Variants in CLMP observed in about 807,000 individuals in gnomAD.
CLMP encodes the protein CXADR-like membrane protein.
Under a neutral mutation model 45.2 loss-of-function variants are expected in CLMP, and 27 were observed. The observed-to-expected ratio is 0.60, with a 90% CI of 0.44 to 0.82. The LOEUF is 0.82. Ranked by LOEUF, CLMP falls within the 40% of genes least tolerant of loss-of-function variation. The probability of loss-of-function intolerance (pLI) is 0.00; values close to 1 mark genes in which losing one functional copy is unlikely to be tolerated. For synonymous variants in CLMP, 167 were observed against 171.4 expected (o/e 0.97, Z 0.20); for missense variants, 403 against 448.4 (o/e 0.90, Z 0.91).
intron 1 of CLMP, among the ~76,000 whole-genome samples, chr11:123,149,002 G>A (rs1861275101): frequency 6.6e-6 from 1 of 152,112 alleles, no homozygotes; most frequent in South Asian, 2.1e-4. Context: ...ACAGGAATTA[G>A]AATCTGTTTT....
intron 1 of CLMP, among the ~76,000 whole-genome samples, chr11:123,099,643 G>C (rs1258168723): frequency 1.3e-5 from 2 of 152,128 alleles, no homozygotes; most frequent in East Asian, 3.8e-4. Flanking sequence ...GAAAGGTGTT[G>C]AGATGTTGGG....
intron 2 of CLMP, among the ~76,000 whole-genome samples, chr11:123,085,783 G>T (rs111243805): frequency 0.011 from 1,193 of 108,150 alleles, 8 homozygotes; most frequent in East Asian, 0.018. Context: ...TTTTTTTTTT[G>T]TTTTTTTTTT....
At chr11:123,146,776 A>C (rs1247236563) in intron 1 of CLMP, among the ~76,000 whole-genome samples, 1 of 152,068 alleles carries the variant, frequency 6.6e-6, no homozygotes, top group Non-Finnish European at 1.5e-5. Flanking sequence ...ACAACTTCCA[A>C]ATCTACCACC....
chr11:123,158,035 C>T (rs907653339), intron 1 of CLMP, among the ~76,000 whole-genome samples: 3 of 152,180 alleles, frequency 2.0e-5, no homozygotes, highest in Non-Finnish European at 4.4e-5. Flanking sequence ...CTCTCCCAGG[C>T]TTTCACACAC....
intron 5 of CLMP, among the ~76,000 whole-genome samples, chr11:123,075,672 C>G (rs1428317535): frequency 6.6e-6 from 1 of 152,054 alleles, no homozygotes; most frequent in Non-Finnish European, 1.5e-5. Context: ...CAGGAGTGAG[C>G]CACCGCGCGC....
intron 1 of CLMP, among the ~76,000 whole-genome samples, chr11:123,098,880 A>G (rs920496991): frequency 6.6e-5 from 10 of 151,690 alleles, no homozygotes; most frequent in African/African-American, 2.4e-4. Flanking sequence ...TTTTTAGTAG[A>G]GACGGGGTTT....
At chr11:123,185,249 G>T (rs1861818025) in intron 1 of CLMP, among the ~76,000 whole-genome samples, 1 of 152,182 alleles carries the variant, frequency 6.6e-6, no homozygotes, top group Non-Finnish European at 1.5e-5. Flanking sequence ...GAGAATTTGG[G>T]AGAGTTGGGG....
intron 1 of CLMP, among the ~76,000 whole-genome samples, chr11:123,104,715 C>T (rs1335022068): frequency 6.6e-6 from 1 of 152,124 alleles, no homozygotes; most frequent in African/African-American, 2.4e-5. Flanking sequence ...CTTAGCAGTG[C>T]TCATGGGGGC....
intron 1 of CLMP, among the ~76,000 whole-genome samples, chr11:123,112,423 C>G (rs971566455): frequency 2.0e-5 from 3 of 150,438 alleles, no homozygotes; most frequent in African/African-American, 7.4e-5. Context: ...CGGCAACCTC[C>G]GCCTCCAGGG....
chr11:123,141,634 C>G (rs1861160732), intron 1 of CLMP, among the ~76,000 whole-genome samples: 1 of 152,162 alleles, frequency 6.6e-6, no homozygotes, highest in Non-Finnish European at 1.5e-5. Context: ...AAACCTAGGT[C>G]TCTTCCTAAG....
chr11:123,111,496 A>G (rs9666251), intron 1 of CLMP, among the ~76,000 whole-genome samples: 5,691 of 152,254 alleles, frequency 0.037, 173 homozygotes, highest in East Asian at 0.13. Flanking sequence ...AGATTGTTGA[A>G]GCGCTTTTTC....
intron 1 of CLMP, among the ~76,000 whole-genome samples, chr11:123,158,766 G>T (rs2135531676): frequency 6.6e-6 from 1 of 152,294 alleles, no homozygotes; most frequent in East Asian, 1.9e-4. Flanking sequence ...CCTGGCTGTT[G>T]AACTTGGGCA....
Position 123,104,128 on chromosome 11 carries a change from CTTTTTTTT to C in CLMP, c.29-6184_29-6177del, listed in dbSNP as rs1241735527. ...TACAGGCCTGAGCCACCATGCCTGG[CTTTTTTTT>C]TTTTTTTTTTTTTTTTTAATCCAGA... On this transcript the variant is annotated intron_variant, in intron 1 of 6. Transcript: ENST00000448775. Among the ~76,000 whole-genome samples the C allele has an allele frequency of 5.5e-5, 4 of 72,394 alleles. No individual in the cohort carries two copies. In the South Asian group the frequency reaches 1.5e-3, roughly 28 times the overall value. The allele number at this position is 72,394 out of a possible 152,430, so 47.5% of individuals were successfully genotyped here.
intron 1 of CLMP, among the ~76,000 whole-genome samples, chr11:123,164,470 G>GT (rs1354348686): frequency 1.3e-5 from 2 of 151,904 alleles, no homozygotes; most frequent in Non-Finnish European, 2.9e-5. Flanking sequence ...CGCCTAGCTA[G>GT]TTTTTGTATT....
At chr11:123,171,236 A>G (rs1366811403) in intron 1 of CLMP, among the ~76,000 whole-genome samples, 2 of 152,106 alleles carry the variant, frequency 1.3e-5, no homozygotes, top group Admixed American at 1.3e-4. Context: ...TGTGTGGGGA[A>G]CAGCAAGTCA....
chr11:123,083,717 C>T lies in CLMP; in HGVS notation c.519G>A (p.Glu173=), dbSNP rs1441016930. ...VYYWQRIREK[E]GEDERLPPKS... ...TGGGAGGCAGACGTTCATCCTCTCC[C>T]TCTTTCTCTCGGATTCGCTGCCAGT... Residue 173 remains glutamate (E), a synonymous_variant, in exon 4 of 7, where the codon GAG becomes GAA. Coordinates refer to ENST00000448775, the MANE Select transcript of CLMP (RefSeq NM_024769.5). 1.2e-6 allele frequency: 2 copies of T among 1,614,110 alleles called. No homozygotes were observed. The highest frequency in any genetic ancestry group is 8.5e-7 in the Non-Finnish European group (1 of 1,180,034).
At chr11:123,136,106 G>A (rs1267596964) in intron 1 of CLMP, 4 of 615,582 alleles carry the variant, frequency 6.5e-6, no homozygotes, top group Non-Finnish European at 1.3e-5. Flanking sequence ...TAATCTGCAC[G>A]TAGCCACTAT....
intron 1 of CLMP, chr11:123,188,837 CT>C: frequency 6.6e-6 from 1 of 152,200 alleles, no homozygotes; most frequent in Non-Finnish European, 1.5e-5. Context: ...ATAACCAGAA[CT>C]TGAAGGGGAG....
At chr11:123,106,555 C>T (rs1355508717) in intron 1 of CLMP, among the ~76,000 whole-genome samples, 1 of 152,076 alleles carries the variant, frequency 6.6e-6, no homozygotes, top group Non-Finnish European at 1.5e-5. Flanking sequence ...TGAGTAGTGG[C>T]TGTAAGACCA....
Sources: gnomAD v4.1 joint callset for allele counts (sites outside exome capture counted in the v4.1 genomes callset) on GRCh38, gnomAD v4.1.1 for gene constraint, MANE v1.5 for transcripts, NCBI Gene and HGNC (gene_info 2026-07-23, HGNC 2026-07-21) for gene names.